DMD: variants seen among roughly 807,000 people sequenced by gnomAD.
DMD encodes the protein mutant dystrophin.
DMD carries 63 observed loss-of-function variants against 330.1 expected under a neutral mutation model. The observed-to-expected ratio is 0.19, with a 90% CI of 0.16 to 0.24. The LOEUF (loss-of-function observed/expected upper bound fraction) is 0.24, where lower values mean the gene tolerates loss of function less well. DMD is among the 10% of genes least tolerant of loss of function. DMD has a pLI of 1.00. For missense variants in DMD, 3,344 were observed against 2,684.1 expected (o/e 1.25, Z -5.43); for synonymous variants, 1,223 against 959.8 (o/e 1.27, Z -5.07).
intron 59 of DMD, among the ~76,000 whole-genome samples, chrX:31,445,262 TG>T (rs752367795): frequency 3.6e-5 from 4 of 111,686 alleles, no homozygotes; most frequent in African/African-American, 1.3e-4. Context: ...GGCCAGTAGT[TG>T]GAGAATTCTA....
chrX:32,879,921 TCTCC>T (rs754349270), intron 2 of DMD, among the ~76,000 whole-genome samples: 407 of 111,317 alleles, frequency 3.7e-3, no homozygotes, highest in Non-Finnish European at 5.4e-3. Flanking sequence ...ACCTTCCTCT[TCTCC>T]CATTTGAATA....
At chrX:32,324,285 T>C (rs552468647) in intron 41 of DMD, among the ~76,000 whole-genome samples, 6 of 111,574 alleles carry the variant, frequency 5.4e-5, no homozygotes, top group African/African-American at 1.6e-4. Flanking sequence ...TTTGCATAAG[T>C]TAAAAAGACA....
intron 63 of DMD, among the ~76,000 whole-genome samples, chrX:31,252,678 C>T (rs1032556323): frequency 2.9e-5 from 3 of 105,177 alleles, no homozygotes; most frequent in African/African-American, 9.8e-5. Context: ...GAAAACTCTT[C>T]GCCATTGTAA....
At chrX:33,115,800 C>T (rs111975176) in intron 1 of DMD, among the ~76,000 whole-genome samples, 5 of 110,227 alleles carry the variant, frequency 4.5e-5, no homozygotes, top group African/African-American at 1.6e-4. Context: ...TGAGCCACTG[C>T]GCCCGGCCAA....
At chrX:33,025,784 C>T (rs1351947959) in intron 1 of DMD, among the ~76,000 whole-genome samples, 1 of 111,271 alleles carries the variant, frequency 9.0e-6, no homozygotes, top group Non-Finnish European at 1.9e-5. Flanking sequence ...GTCTCAAACT[C>T]CTGGACTCCA....
At chrX:31,352,466 C>T (rs1216733827) in intron 60 of DMD, among the ~76,000 whole-genome samples, 3 of 111,199 alleles carry the variant, frequency 2.7e-5, no homozygotes, top group Admixed American at 1.9e-4. Flanking sequence ...GTGCCATAGG[C>T]CACTTTCTCT....
Position 31,929,709 on chromosome X carries a change from G to T in DMD, c.6799C>A (p.Leu2267Ile), listed in dbSNP as rs758654750. 5.0e-6 allele frequency: 6 copies of T among 1,209,436 alleles called. No individual in the cohort carries two copies. The highest frequency in any genetic ancestry group is 6.7e-6 in the Non-Finnish European group (6 of 895,165). Residue 2267 changes from leucine (L) to isoleucine (I), a missense_variant, in exon 47 of 79, where the codon CTC (leucine) becomes ATC (isoleucine). Leu to Ile is a conservative substitution (Grantham distance 5). Coordinates refer to ENST00000357033, the MANE Select transcript of DMD (RefSeq NM_004006.3). ...VEELPLRQGI[L>I]KQLNETGGPV... ...CCTCCAGTTTCATTTAATTGTTTGA[G>T]AATTCCCTGGCGCAGGGGCAACTCT...
intron 38 of DMD, 75 bp downstream of exon 38, chrX:32,348,331 G>A (rs2097770689): frequency 1.9e-6 from 2 of 1,034,893 alleles, no homozygotes; most frequent in African/African-American, 3.7e-5. Flanking sequence ...AATTCAGTTG[G>A]AGACTTATCT....
At chrX:32,921,908 C>T (rs2088452779) in intron 2 of DMD, among the ~76,000 whole-genome samples, 1 of 111,367 alleles carries the variant, frequency 9.0e-6, no homozygotes, top group Non-Finnish European at 1.9e-5. Context: ...TTTGTATAAA[C>T]GTTTATTTAT....
At chrX:31,332,109 A>T (rs919679243) in intron 61 of DMD, among the ~76,000 whole-genome samples, 7 of 112,158 alleles carry the variant, frequency 6.2e-5, no homozygotes, top group Non-Finnish European at 5.6e-5. Context: ...TGACCATGTG[A>T]CTTGCTTTAG....
At chrX:32,739,688 G>A (rs1267724824) in intron 7 of DMD, among the ~76,000 whole-genome samples, 1 of 111,651 alleles carries the variant, frequency 9.0e-6, no homozygotes, top group African/African-American at 3.3e-5. Flanking sequence ...ATGGACAGTC[G>A]AAAGTACCAC....
intron 50 of DMD, among the ~76,000 whole-genome samples, chrX:31,783,160 C>T (rs777402815): frequency 2.7e-5 from 3 of 111,486 alleles, no homozygotes; most frequent in Non-Finnish European, 5.7e-5. Context: ...GTTCTTATTA[C>T]AGAAAATACA....
At chrX:33,184,958 G>A (rs1235120279) in intron 1 of DMD, among the ~76,000 whole-genome samples, 1 of 109,472 alleles carries the variant, frequency 9.1e-6, no homozygotes, top group African/African-American at 3.3e-5. Context: ...TCCTGACCTC[G>A]TGATGCTCCC....
intron 1 of DMD, among the ~76,000 whole-genome samples, chrX:33,168,576 T>C (rs899976212): frequency 7.2e-5 from 8 of 110,530 alleles, no homozygotes; most frequent in African/African-American, 2.3e-4. Context: ...TAAAGAGATA[T>C]TGGTGTCACA....
chrX:32,819,096 CTG>C (rs1354030270), intron 5 of DMD, among the ~76,000 whole-genome samples: 1 of 103,266 alleles, frequency 9.7e-6, no homozygotes, highest in East Asian at 3.1e-4. Context: ...AGAACCCAGA[CTG>C]TGATTAAAAG....
chrX:31,777,302 A>G (rs2090731146), intron 50 of DMD, among the ~76,000 whole-genome samples: 1 of 111,535 alleles, frequency 9.0e-6, no homozygotes, highest in Admixed American at 9.5e-5. Flanking sequence ...AAGATCAAAT[A>G]TTAAAGAGAG....
intron 37 of DMD, among the ~76,000 whole-genome samples, chrX:32,354,509 A>G (rs772261104): frequency 2.3e-4 from 26 of 111,807 alleles, no homozygotes; most frequent in African/African-American, 8.4e-4. Flanking sequence ...TGTATTGGAA[A>G]GATACTACAT....
chrX:32,392,818 T>A (rs754076483), intron 30 of DMD, among the ~76,000 whole-genome samples: 2 of 112,552 alleles, frequency 1.8e-5, no homozygotes, highest in African/African-American at 6.4e-5. Flanking sequence ...TCCAACATAT[T>A]ATGCTCTGAG....
At chrX:33,228,711 CTT>C (rs759825087) in intron 1 of DMD, among the ~76,000 whole-genome samples, 5 of 101,099 alleles carry the variant, frequency 4.9e-5, no homozygotes, top group Admixed American at 1.1e-4. Flanking sequence ...TTTTCTTCAG[CTT>C]TTTTTTTTTT....
Sources: gnomAD v4.1 joint callset for allele counts (sites outside exome capture counted in the v4.1 genomes callset) on GRCh38, gnomAD v4.1.1 for gene constraint, MANE v1.5 for transcripts, NCBI Gene and HGNC (gene_info 2026-07-23, HGNC 2026-07-21) for gene names.